RNPS1: variants seen among roughly 807,000 people sequenced by gnomAD.
RNPS1 encodes RNA binding protein with serine rich domain 1, also known as RNA-binding protein with serine-rich domain 1.
For missense variants in RNPS1, 300 were observed against 427.6 expected, an observed-to-expected ratio of 0.70 and a Z score of 2.63; for synonymous variants, 147 against 150.0, an observed-to-expected ratio of 0.98 and a Z score of 0.15.
chr16:2,266,425 A>G (rs2093625483), intron 1 of RNPS1: 2 of 983,806 alleles, frequency 2.0e-6, no homozygotes, highest in African/African-American at 3.5e-5. Context: ...TAGAGTCTGG[A>G]GCCAGAGGGC....
In RNPS1 at chr16:2,253,775, G is replaced by T. The variant is rs1254312533; in HGVS notation, c.*189C>A. 7.1e-6 allele frequency: 5 copies of T among 702,620 alleles called. No individual in the cohort carries two copies. The Admixed American group carries it at 1.0e-4, about 15-fold the overall frequency. The allele number at this position is 702,620 out of a possible 1,614,324, so 43.5% of individuals were successfully genotyped here. ...AGAAAACCGGAGGGAATCTTGACAGGCACACAGCATCCAAACCAACAGCAC... is the reference window on the plus strand; with the variant it reads ...AGAAAACCGGAGGGAATCTTGACAGTCACACAGCATCCAAACCAACAGCAC... On this transcript the variant is annotated 3_prime_UTR_variant, in exon 8 of 8. Coordinates refer to ENST00000320225, the MANE Select transcript of RNPS1 (RefSeq NM_080594.4).
At position 2,268,060 on chromosome 16, in the gene RNPS1, C is replaced by CCCG. The variant is rs765692223; in HGVS notation, c.-126_-124dup. ...CGGATTCCGCCCCAACTTACATCTT[C>CCCG]CCGCCGCCGCCACCTCCTCCTGCTT... On this transcript the variant is annotated 5_prime_UTR_variant, in exon 1 of 8. Coordinates refer to ENST00000320225, the MANE Select transcript of RNPS1 (RefSeq NM_080594.4). 3.0e-5 allele frequency: 46 copies of CCCG among 1,534,984 alleles called. No individual in the cohort carries two copies. In the Admixed American group the frequency reaches 3.5e-4, roughly 12 times the overall value.
intron 7 of RNPS1, 87 bp downstream of exon 7, chr16:2,255,498 G>A: frequency 6.9e-7 from 1 of 1,452,676 alleles, no homozygotes; most frequent in Non-Finnish European, 9.3e-7. Context: ...GTGGAAGGCA[G>A]GCAGGGCTGA....
chr16:2,260,907 G>A (rs1002721797), intron 6 of RNPS1, among the ~76,000 whole-genome samples: 6 of 152,140 alleles, frequency 3.9e-5, no homozygotes, highest in African/African-American at 1.2e-4. Flanking sequence ...GAGGCAGGCG[G>A]ATCACAAGGT....
In RNPS1 at chr16:2,266,372, T is replaced by C. The variant is rs4018447; in HGVS notation, c.-117-1612A>G. On this transcript the variant is annotated intron_variant, in intron 1 of 7. Transcript: ENST00000320225. ...CCAGCAGATAGTGCCTCGACACTCTTTGTGTCCTCGGACAATCAGTGAGTA... is the reference window on the plus strand; with the variant it reads ...CCAGCAGATAGTGCCTCGACACTCTCTGTGTCCTCGGACAATCAGTGAGTA... 5 of 970,404 alleles carry C rather than the reference T, an allele frequency of 5.2e-6. No homozygotes were observed. In the Admixed American group the frequency reaches 1.9e-4, roughly 36 times the overall value. 60.1% of individuals were successfully genotyped at this position (970,404 alleles called of 1,614,324 possible).
intron 6 of RNPS1, among the ~76,000 whole-genome samples, chr16:2,259,419 T>C: frequency 6.6e-6 from 1 of 152,262 alleles, no homozygotes; most frequent in East Asian, 1.9e-4. Context: ...TCTTTAACTA[T>C]GGCTGCCCTA....
At chr16:2,258,051 T>A (rs1170013195) in intron 6 of RNPS1, 2 of 152,264 alleles carry the variant, frequency 1.3e-5, no homozygotes, top group Admixed American at 6.5e-5. Flanking sequence ...AGGGTCCATG[T>A]GCTTTTAAAA....
Position 2,264,162 on chromosome 16 carries a change from C to A in RNPS1, c.227+14G>T. On this transcript the variant is annotated intron_variant, in intron 3 of 7. Coordinates refer to ENST00000320225, the MANE Select transcript of RNPS1 (RefSeq NM_080594.4). Reference sequence around the variant, plus strand: ...GCACAGGTCCTCTCCAGGCTCCAGGCCAGCCCGCCCCACCTGGTACTGCTG... The same window carrying A: ...GCACAGGTCCTCTCCAGGCTCCAGGACAGCCCGCCCCACCTGGTACTGCTG... 6.2e-7 allele frequency: 1 copy of A among 1,612,264 alleles called. No individual in the cohort carries two copies. Among genetic ancestry groups the A allele is most frequent in the Non-Finnish European group, 8.5e-7 (1 of 1,179,996 alleles).
intron 6 of RNPS1, 40 bp downstream of exon 6, chr16:2,262,238 G>C (rs749158664): frequency 6.3e-7 from 1 of 1,586,376 alleles, no homozygotes. Context: ...CGCGGCGGCG[G>C]GTCTCTGAGA....
intron 6 of RNPS1, among the ~76,000 whole-genome samples, chr16:2,259,210 A>T (rs2093591795): frequency 1.3e-5 from 2 of 151,998 alleles, no homozygotes; most frequent in African/African-American, 2.4e-5. Flanking sequence ...ACCAAAAATT[A>T]TACAGGAAGC....
chr16:2,266,367 A>G (rs1009838595), intron 1 of RNPS1: 29 of 985,178 alleles, frequency 2.9e-5, no homozygotes, highest in Non-Finnish European at 3.4e-5. Context: ...GTGCCTCGAC[A>G]CTCTTTGTGT....
chr16:2,257,997 A>C (rs1317659109), intron 6 of RNPS1: 1 of 152,240 alleles, frequency 6.6e-6, no homozygotes, highest in African/African-American at 2.4e-5. Flanking sequence ...CACATGCCTC[A>C]AAATGCTGCA....
Position 2,262,829 on chromosome 16 carries a change from T to C in RNPS1, c.433A>G (p.Lys145Glu). Reference sequence around the variant, plus strand: ...CTTTTCCTCTCCTTTTCATCTCTTTTAGGTGGTTTGGATCTGATTGAGAAA... The same window carrying C: ...CTTTTCCTCTCCTTTTCATCTCTTTCAGGTGGTTTGGATCTGATTGAGAAA... ...RRSRSKSKPP[K>E]RDEKERKRRS... Residue 145 changes from lysine (K) to glutamate (E), a missense_variant, in exon 5 of 8, where the codon AAA becomes GAA. Coordinates refer to ENST00000320225, the MANE Select transcript of RNPS1 (RefSeq NM_080594.4). The C allele has an allele frequency of 1.2e-6, 2 of 1,614,004 alleles. No individual in the cohort carries two copies. The highest frequency in any genetic ancestry group is 1.7e-6 in the Non-Finnish European group (2 of 1,179,946).
rs2093618044 is a variant in RNPS1 at position 2,264,716 on chromosome 16, T to G, written c.-73A>C. The G allele has an allele frequency of 6.3e-7, 1 of 1,592,260 alleles. No individual in the cohort carries two copies. The highest frequency in any genetic ancestry group is 8.5e-7 in the Non-Finnish European group (1 of 1,174,966). ...TGAACTCTCACTTCTAACTTGATTC[T>G]GAGAAACGATCCCTAATCGATTGCA... On this transcript the variant is annotated 5_prime_UTR_variant, in exon 2 of 8. Coordinates refer to ENST00000320225, the MANE Select transcript of RNPS1 (RefSeq NM_080594.4).
chr16:2,255,564 C>T (rs769782211), intron 7 of RNPS1, 21 bp downstream of exon 7: 8 of 1,557,808 alleles, frequency 5.1e-6, no homozygotes, highest in Non-Finnish European at 1.7e-6. Context: ...GATCAGTCCA[C>T]TGAAACTACA....
intron 6 of RNPS1, among the ~76,000 whole-genome samples, chr16:2,259,594 A>G (rs926267856): frequency 6.6e-6 from 1 of 152,222 alleles, no homozygotes; most frequent in African/African-American, 2.4e-5. Flanking sequence ...AGGACTCTTA[A>G]AGAGCTAAAA....
chr16:2,259,455 T>C (rs1300665886), intron 6 of RNPS1, among the ~76,000 whole-genome samples: 3 of 152,220 alleles, frequency 2.0e-5, no homozygotes, highest in East Asian at 1.9e-4. Flanking sequence ...CCATAAACAA[T>C]TGTTGTCTTG....
In RNPS1 at chr16:2,255,642, C is replaced by T. The variant is rs1329008927; in HGVS notation, c.761G>A (p.Arg254Lys). 2 of 1,611,288 alleles carry T rather than the reference C, an allele frequency of 1.2e-6. No homozygotes were observed. Among genetic ancestry groups the T allele is most frequent in the Non-Finnish European group, 1.7e-6 (2 of 1,178,674 alleles). The change falls in exon 7 of 8, where the codon AGG becomes AAG. Residue 254 changes from arginine (R) to lysine (K), a missense_variant. Physicochemically the swap from Arg to Lys is conservative, Grantham distance 26 (BLOSUM62 2). Transcript: ENST00000320225. ...RPPPRRFSPP[R>K]RMLPPPPMWR... The stretch of plus-strand genomic sequence containing the variant: ...CATAGGCGGTGGTGGCAACATTCTC[C>T]TGGGAGGGCTGAATCTCCTGGGGGG...
At chr16:2,264,851 A>G (rs1036360932) in intron 1 of RNPS1, 91 bp from the exon 2 acceptor site, 6 of 1,059,672 alleles carry the variant, frequency 5.7e-6, no homozygotes, top group East Asian at 5.6e-5. Context: ...ACAAAAAGGC[A>G]GCAAGGGAGC....
Sources: allele counts gnomAD v4.1 joint callset (sites outside exome capture counted in the v4.1 genomes callset), GRCh38; gene constraint gnomAD v4.1.1; transcripts MANE v1.5; gene names NCBI Gene and HGNC (gene_info 2026-07-23, HGNC 2026-07-21).